USP36: variants seen among roughly 807,000 people sequenced by gnomAD.
USP36 encodes ubiquitin carboxyl-terminal hydrolase 36.
A neutral mutation model predicts 111.5 loss-of-function variants in USP36; 59 were observed. That is an observed-to-expected ratio of 0.53 (90% CI 0.43 to 0.66). USP36 has a LOEUF of 0.66. Ranked by LOEUF, USP36 falls within the 30% of genes least tolerant of loss-of-function variation. The pLI, the probability that USP36 is intolerant of heterozygous loss-of-function variation, is 0.00. For synonymous variants in USP36, 628 were observed against 581.0 expected, an observed-to-expected ratio of 1.08 and a Z score of -1.16; for missense variants, 1,488 against 1,468.0, an observed-to-expected ratio of 1.01 and a Z score of -0.22.
At position 78,795,964 on chromosome 17, in the gene USP36, T is replaced by A. The variant is rs965340361; in HGVS notation, c.*1936A>T. The A allele has an allele frequency of 6.6e-6, 1 of 152,166 alleles. No individual in the cohort carries two copies. The highest frequency in any genetic ancestry group is 6.5e-5 in the Admixed American group (1 of 15,282). The allele number at this position is 152,166 out of a possible 1,614,324, so 9.4% of individuals were successfully genotyped here. A position where few individuals can be genotyped will look rare whatever the true frequency, so the allele number is the denominator to read the frequency against. Reference sequence around the variant, plus strand: ...TACATACGTGTACAAGACCTAGAGTTTGAACTCGTTTTCTGGGCCTCATCT... The same window carrying A: ...TACATACGTGTACAAGACCTAGAGTATGAACTCGTTTTCTGGGCCTCATCT... On this transcript the variant is annotated 3_prime_UTR_variant, in exon 21 of 21. Transcript: ENST00000449938. The surrounding 1 kb of genome is among the most constrained non-coding windows in gnomAD (Gnocchi z 4.5).
At chr17:78,799,547 T>G (rs764801846) in intron 18 of USP36, 120 bp downstream of exon 18, 2 of 870,014 alleles carry the variant, frequency 2.3e-6, no homozygotes, top group Non-Finnish European at 3.6e-6. Context: ...CTTCCCATTC[T>G]CAAAGCCGAG....
At chr17:78,839,862 C>T (rs2069084720) in intron 1 of USP36, among the ~76,000 whole-genome samples, 1 of 152,242 alleles carries the variant, frequency 6.6e-6, no homozygotes, top group African/African-American at 2.4e-5. Flanking sequence ...TCTCTCTTGT[C>T]CAAGGACAGC....
downstream of USP36, among the ~76,000 whole-genome samples, chr17:78,793,086 G>A (rs527700965): frequency 1.8e-4 from 27 of 149,292 alleles, no homozygotes; most frequent in Admixed American, 5.4e-4. Context: ...TTCTACTTCC[G>A]TCAGTATCGA....
intron 3 of USP36, among the ~76,000 whole-genome samples, chr17:78,788,452 C>T (rs878974065): frequency 6.6e-6 from 1 of 152,120 alleles, no homozygotes; most frequent in East Asian, 1.9e-4. Context: ...CGTGAGCCAC[C>T]GCACCCGGCC....
rs147867694 is a variant in USP36, at chr17:78,818,724, G to A, written c.966C>T (p.Asn322=). The change falls in exon 10 of 21, where the codon AAC becomes AAT. Residue 322 remains asparagine, a synonymous_variant. Coordinates refer to ENST00000449938, the MANE Select transcript of USP36 (RefSeq NM_001385174.1). ...SKRFTIHRTS[N]VLTLSLKRFA... ...AGCGCTTGAGGGAAAGGGTTAAGAC[G>A]TTGGATGTTCTGTGGATGGTGAAGC... is the stretch of plus-strand genomic sequence containing the variant. The A allele has an allele frequency of 6.6e-5, 107 of 1,613,950 alleles. No homozygotes were observed. The highest frequency in any genetic ancestry group is 6.6e-4 in the Middle Eastern group (4 of 6,084).
chr17:78,794,976 C>G (rs2093610593), downstream of USP36, among the ~76,000 whole-genome samples: 1 of 150,692 alleles, frequency 6.6e-6, no homozygotes, highest in Non-Finnish European at 1.5e-5. Context: ...CCACTGCACT[C>G]CAGCCTGGGC....
chr17:78,825,803 C>A (rs1480161855), intron 6 of USP36, among the ~76,000 whole-genome samples: 1 of 152,198 alleles, frequency 6.6e-6, no homozygotes, highest in African/African-American at 2.4e-5. Context: ...CTGCACTCCC[C>A]CTGCAGGTGC....
chr17:78,826,879 C>T (rs767034627), intron 6 of USP36: 37 of 576,242 alleles, frequency 6.4e-5, no homozygotes, highest in Non-Finnish European at 7.8e-5. Flanking sequence ...TTTTCAAAAA[C>T]GACATGATTT....
Position 78,828,800 on chromosome 17 carries a change from T to C in USP36, c.586+97A>G, listed in dbSNP as rs142065427. On this transcript the variant is annotated intron_variant, in intron 5 of 20. Coordinates refer to ENST00000449938, the MANE Select transcript of USP36 (RefSeq NM_001385174.1). The stretch of plus-strand genomic sequence containing the variant: ...CGGAAGGACTGCTTAAGGCCAGGAA[T>C]TTAAGACCAGCCTGGGCAACATAGC... The C allele has an allele frequency of 4.0e-4, 511 of 1,268,160 alleles. 1 individual carries two copies. In the African/African-American group the frequency reaches 7.0e-3, roughly 17 times the overall value. 78.6% of individuals were successfully genotyped at this position (1,268,160 alleles called of 1,614,324 possible). A position where few individuals can be genotyped will look rare whatever the true frequency, so the allele number is the denominator to read the frequency against.
intron 12 of USP36, 73 bp downstream of exon 12, chr17:78,813,700 G>C: frequency 7.2e-7 from 1 of 1,386,428 alleles, no homozygotes; most frequent in Non-Finnish European, 1.0e-6. Context: ...ACAAAAAAAG[G>C]TTAGGGAGGC....
chr17:78,799,623 CAACCAATGA>C (rs2093690645), intron 18 of USP36, 35 bp downstream of exon 18: 1 of 1,591,990 alleles, frequency 6.3e-7, no homozygotes, highest in African/African-American at 1.3e-5. Context: ...CCTACAAAAC[CAACCAATGA>C]AAGGCAAACA....
rs1282045577 is a variant in USP36 at position 78,799,674 on chromosome 17, C to T, written c.3117G>A (p.Gly1039=). Residue 1039 remains glycine (G), a synonymous_variant, in exon 18 of 21, where the codon GGG becomes GGA. Coordinates refer to ENST00000449938, the MANE Select transcript of USP36 (RefSeq NM_001385174.1). The part of the protein sequence containing the change: ...LLKYSSDKAY[G]RKVLTWDGKM... ...CTGTCTCCAAATCAGTACCTTTTCT[C>T]CCGTAAGCTTTATCAGATGAGTATT... 1.9e-6 allele frequency: 3 copies of T among 1,612,308 alleles called. No homozygotes were observed. The highest frequency in any genetic ancestry group is 2.5e-6 in the Non-Finnish European group (3 of 1,179,466).
rs2067825446 is a variant in USP36, at chr17:78,828,904, G to A, written c.579C>T (p.Asp193=). 2 of 1,614,070 alleles carry A rather than the reference G, an allele frequency of 1.2e-6. No homozygotes were observed. The highest frequency in any genetic ancestry group is 2.2e-5 in the East Asian group (1 of 44,882). The change falls in exon 5 of 21, where the codon GAC becomes GAT. Residue 193 remains aspartate, a synonymous_variant. Coordinates refer to ENST00000449938, the MANE Select transcript of USP36 (RefSeq NM_001385174.1). The part of the protein sequence containing the change: ...NAIKPVSFIR[D]LKKIARHFRF... ...ACATGGATTGATGCTTACTTTTCAG[G>A]TCTCGGATGAAGGAGACGGGCTTGA...
chr17:78,814,680 C>T lies in USP36; in HGVS notation c.1024-128G>A, dbSNP rs577342380. The stretch of plus-strand genomic sequence containing the variant: ...TCTTTAACAATTTGGGGGCCGGGCA[C>T]AGTGGCTCACGCCTGTAATCCCAGC... On this transcript the variant is annotated intron_variant, in intron 10 of 20. Coordinates refer to ENST00000449938, the MANE Select transcript of USP36 (RefSeq NM_001385174.1). 31 of 1,157,224 alleles carry T rather than the reference C, an allele frequency of 2.7e-5. No individual in the cohort carries two copies. The African/African-American group carries it at 4.5e-4, about 17-fold the overall frequency. 71.7% of individuals were successfully genotyped at this position (1,157,224 alleles called of 1,614,324 possible). A position where few individuals can be genotyped will look rare whatever the true frequency, so the allele number is the denominator to read the frequency against.
intron 17 of USP36, among the ~76,000 whole-genome samples, chr17:78,800,565 TAA>T (rs1311050981): frequency 6.6e-6 from 1 of 152,230 alleles, no homozygotes; most frequent in African/African-American, 2.4e-5. Context: ...AGCTCCAGGC[TAA>T]GTGTCCCCTG....
intron 6 of USP36, among the ~76,000 whole-genome samples, chr17:78,823,690 G>A (rs1401290858): frequency 1.3e-5 from 2 of 152,168 alleles, no homozygotes; most frequent in African/African-American, 2.4e-5. Flanking sequence ...CTCTCAGGGG[G>A]AGAAGGCAAA....
chr17:78,809,798 C>CT lies in USP36; in HGVS notation c.1408-2163dup, dbSNP rs561723352. 3.9e-5 allele frequency among the ~76,000 whole-genome samples: 6 copies of CT among 151,978 alleles called. No homozygotes were observed. In the South Asian group the frequency reaches 1.0e-3, roughly 26 times the overall value. On this transcript the variant is annotated intron_variant, in intron 13 of 20. Coordinates refer to ENST00000449938, the MANE Select transcript of USP36 (RefSeq NM_001385174.1). The stretch of plus-strand genomic sequence containing the variant: ...CCACCACACCTGGCTAATTTTTGCA[C>CT]TTTTTTTGGAGATGGGGTTTTGGAG...
intron 10 of USP36, among the ~76,000 whole-genome samples, chr17:78,815,029 C>A (rs1260946836): frequency 6.7e-6 from 1 of 150,346 alleles, no homozygotes; most frequent in Non-Finnish European, 1.5e-5. Context: ...CTCCCCCAGG[C>A]AATGATTAAA....
Position 78,803,194 on chromosome 17 carries a change from C to T in USP36, c.2810+191G>A, listed in dbSNP as rs1309212387. 6.6e-6 allele frequency among the ~76,000 whole-genome samples: 1 copy of T among 152,140 alleles called. No individual in the cohort carries two copies. The highest frequency in any genetic ancestry group is 1.5e-5 in the Non-Finnish European group (1 of 68,028). On this transcript the variant is annotated intron_variant, in intron 16 of 20. Coordinates refer to ENST00000449938, the MANE Select transcript of USP36 (RefSeq NM_001385174.1). This position sits in a 1 kb window ranked among gnomAD's most constrained non-coding sequence, Gnocchi z 4.6. Reference sequence around the variant, plus strand: ...TGAAGTGATCCACCCGCCTCAGCCTCCCAAAGTGCTAGGATTACAGGTGTG... The same window carrying T: ...TGAAGTGATCCACCCGCCTCAGCCTTCCAAAGTGCTAGGATTACAGGTGTG...
Sources: gnomAD v4.1 joint callset for allele counts (sites outside exome capture counted in the v4.1 genomes callset) on GRCh38, gnomAD v4.1.1 for gene constraint, Gnocchi (gnomAD v3.1) non-coding constraint, MANE v1.5 for transcripts, NCBI Gene and HGNC (gene_info 2026-07-23, HGNC 2026-07-21) for gene names.